The following GLB1 variants were observed in gnomAD, a reference collection of about 807,000 sequenced individuals.
GLB1 encodes the protein beta-galactosidase.
In GLB1, 56 loss-of-function variants were observed where a neutral mutation model predicts 74.0. That is an observed-to-expected ratio of 0.76 (90% CI 0.61 to 0.94). The LOEUF (loss-of-function observed/expected upper bound fraction) is 0.94, where lower values mean the gene tolerates loss of function less well. Ranked by LOEUF, GLB1 falls within the 40% of genes least tolerant of loss-of-function variation. GLB1 has a pLI of 0.00. For missense variants in GLB1, 787 were observed against 845.5 expected (o/e 0.93, Z 0.86); for synonymous variants, 323 against 323.6 (o/e 1.00, Z 0.02).
chr3:33,001,528 A>C (rs1696567563), intron 15 of GLB1, among the ~76,000 whole-genome samples: 1 of 152,014 alleles, frequency 6.6e-6, no homozygotes, highest in African/African-American at 2.4e-5. Flanking sequence ...CAAGTCACTC[A>C]CTATCCTTTC....
At chr3:32,966,663 A>G in the GLB1 span, among the ~76,000 whole-genome samples, 1 of 152,120 alleles carries the variant, frequency 6.6e-6, no homozygotes, top group Non-Finnish European at 1.5e-5. Context: ...GGGCAGAATG[A>G]TATGGTTTGG....
chr3:33,085,488 T>A (rs751895411), intron 1 of GLB1, among the ~76,000 whole-genome samples: 4 of 151,276 alleles, frequency 2.6e-5, no homozygotes, highest in Non-Finnish European at 5.9e-5. Flanking sequence ...CACTTATGAT[T>A]TTTTTTCTCT....
chr3:33,082,840 A>G (rs1426421266), intron 1 of GLB1, among the ~76,000 whole-genome samples: 1 of 152,202 alleles, frequency 6.6e-6, no homozygotes, highest in Non-Finnish European at 1.5e-5. Context: ...TCACCATGTT[A>G]TTTGAACCAG....
the GLB1 span, among the ~76,000 whole-genome samples, chr3:32,978,756 T>G: frequency 1.1e-5 from 1 of 88,610 alleles, no homozygotes; most frequent in African/African-American, 3.0e-5. Context: ...TTTTTTTCTT[T>G]CTTTCTTTCT....
chr3:33,070,133 C>T lies in GLB1; in HGVS notation c.246-1163G>A, dbSNP rs114890869. Among the ~76,000 whole-genome samples, 578 of 152,270 alleles carry T rather than the reference C, an allele frequency of 3.8e-3. 6 individuals are homozygous for T. The highest frequency in any genetic ancestry group is 0.013 in the African/African-American group (535 of 41,558). On this transcript the variant is annotated intron_variant, in intron 2 of 15. Coordinates refer to ENST00000307363, the MANE Select transcript of GLB1 (RefSeq NM_000404.4). ...TCCAGTTTGCTGTAAAGGACATGAT[C>T]TCATTCTTTTTTGTGATTTTTGTAG...
rs1250140943 is a variant in GLB1, at chr3:33,059,286, CACACAG to C, written c.553-1023_553-1018del. 1.3e-3 allele frequency among the ~76,000 whole-genome samples: 180 copies of C among 133,910 alleles called. 1 individual carries two copies. Among genetic ancestry groups the C allele is most frequent in the African/African-American group, 4.6e-3 (161 of 34,920 alleles). The allele number at this position is 133,910 out of a possible 152,430, so 87.9% of individuals were successfully genotyped here. On this transcript the variant is annotated intron_variant, in intron 5 of 15. Transcript: ENST00000307363. Reference sequence around the variant, plus strand: ...ACACACACACACACACACACACACACACACAGAGCAAATAAACCAATATACAATATC... The same window carrying C: ...ACACACACACACACACACACACACACAGCAAATAAACCAATATACAATATC...
At chr3:33,080,961 T>C (rs1267678453) in intron 1 of GLB1, among the ~76,000 whole-genome samples, 1 of 152,038 alleles carries the variant, frequency 6.6e-6, no homozygotes, top group Admixed American at 6.5e-5. Flanking sequence ...CAAAGACAAA[T>C]ACCAAGGCCC....
At position 33,068,258 on chromosome 3, in the gene GLB1, CTCTT is replaced by C. The variant is rs1699765928; in HGVS notation, c.425_428del (p.Lys142SerfsTer27). ...GGTCGGAGGAGCGGAGAAGAATAGA[CTCTT>C]TCTCTAGCAGCCAAGCAGGTAATCC... is the stretch of plus-strand genomic sequence containing the variant. On this transcript the variant is annotated frameshift_variant, in exon 4 of 16. Coordinates refer to ENST00000307363, the MANE Select transcript of GLB1 (RefSeq NM_000404.4). LOFTEE classifies it high-confidence loss of function. 1 of 1,613,942 alleles carries C rather than the reference CTCTT, an allele frequency of 6.2e-7. No homozygotes were observed. The highest frequency in any genetic ancestry group is 8.5e-7 in the Non-Finnish European group (1 of 1,179,958).
the GLB1 span, among the ~76,000 whole-genome samples, chr3:32,984,985 G>T: frequency 1.4e-3 from 212 of 149,972 alleles, no homozygotes; most frequent in African/African-American, 5.0e-3. Flanking sequence ...TGCATCTGTG[G>T]TCCCAGCTAT....
At chr3:33,010,098 G>C (rs1696960457) in intron 15 of GLB1, among the ~76,000 whole-genome samples, 1 of 152,064 alleles carries the variant, frequency 6.6e-6, no homozygotes, top group Non-Finnish European at 1.5e-5. Flanking sequence ...CCTTTCTCTT[G>C]TGTATATACC....
intron 1 of GLB1, among the ~76,000 whole-genome samples, chr3:33,089,684 C>T (rs1157092479): frequency 2.6e-5 from 4 of 152,064 alleles, no homozygotes; most frequent in East Asian, 3.8e-4. Flanking sequence ...TTCACTTATA[C>T]GAGGTATCTA....
At chr3:33,021,991 A>T (rs1041047953) in intron 11 of GLB1, among the ~76,000 whole-genome samples, 1 of 152,182 alleles carries the variant, frequency 6.6e-6, no homozygotes, top group South Asian at 2.1e-4. Context: ...CTCTCTGAAC[A>T]CCCCCGAGTA....
intron 3 of GLB1, 71 bp downstream of exon 3, chr3:33,068,749 T>C: frequency 2.5e-6 from 4 of 1,611,490 alleles, no homozygotes; most frequent in Non-Finnish European, 3.4e-6. Context: ...TCTGCTTTAA[T>C]TCCCTTTGCC....
rs1391700387 is a variant in GLB1, at chr3:33,014,320, A to C, written c.1480-10T>G. On this transcript the variant is annotated splice_polypyrimidine_tract_variant and intron_variant, in intron 14 of 15. Transcript: ENST00000307363. ...GGTTAGAAACCAAACCCTGCAAAGCAGAAACAGAGCACAGTGAGCTGGGGA... is the reference window on the plus strand; with the variant it reads ...GGTTAGAAACCAAACCCTGCAAAGCCGAAACAGAGCACAGTGAGCTGGGGA... 6.2e-7 allele frequency: 1 copy of C among 1,613,430 alleles called. No homozygotes were observed.
At chr3:33,063,726 C>G (rs1699544777) in intron 5 of GLB1, among the ~76,000 whole-genome samples, 1 of 152,138 alleles carries the variant, frequency 6.6e-6, no homozygotes, top group African/African-American at 2.4e-5. Flanking sequence ...CACAGCCATG[C>G]AGAGCAAAGA....
chr3:33,020,949 G>A (rs376731916), intron 12 of GLB1, among the ~76,000 whole-genome samples: 80 of 152,156 alleles, frequency 5.3e-4, no homozygotes, highest in African/African-American at 1.8e-3. Flanking sequence ...GTGAATCTAG[G>A]TAAAAAGCAT....
At chr3:33,005,869 T>A (rs1256179729) in intron 15 of GLB1, among the ~76,000 whole-genome samples, 2 of 152,236 alleles carry the variant, frequency 1.3e-5, no homozygotes, top group Non-Finnish European at 2.9e-5. Context: ...ATACATTGTT[T>A]TATTTCATAG....
chr3:33,026,733 G>C (rs1697777803), intron 10 of GLB1, among the ~76,000 whole-genome samples: 1 of 152,118 alleles, frequency 6.6e-6, no homozygotes, highest in Admixed American at 6.5e-5. Context: ...GCTGCAGAGA[G>C]AAACTATCCT....
chr3:33,090,023 C>T (rs1486955986), intron 1 of GLB1, among the ~76,000 whole-genome samples: 2 of 152,234 alleles, frequency 1.3e-5, no homozygotes, highest in African/African-American at 4.8e-5. Flanking sequence ...GAATTCTGTA[C>T]TCATTTGTGA....
Sources: allele counts gnomAD v4.1 joint callset (sites outside exome capture counted in the v4.1 genomes callset), GRCh38; gene constraint gnomAD v4.1.1; transcripts MANE v1.5; gene names NCBI Gene and HGNC (gene_info 2026-07-23, HGNC 2026-07-21).